NRXN1: variants seen among roughly 807,000 people sequenced by gnomAD.
NRXN1 encodes neurexin 1.
In NRXN1, 39 loss-of-function variants were observed where a neutral mutation model predicts 150.9. The observed-to-expected ratio is 0.26, with a 90% CI of 0.20 to 0.34. NRXN1 has a LOEUF of 0.34. Among genes scored for constraint, NRXN1 ranks in the 10% least tolerant of loss-of-function variants. The pLI is 1.00. For missense variants in NRXN1, 1,815 were observed against 1,949.9 expected (o/e 0.93, Z 1.30); for synonymous variants, 924 against 757.0 (o/e 1.22, Z -3.62).
At position 51,012,690 on chromosome 2, in the gene NRXN1, G is replaced by C. The variant is rs562677988; in HGVS notation, c.772+14812C>G. Among the ~76,000 whole-genome samples, 12 of 152,140 alleles carry C rather than the reference G, an allele frequency of 7.9e-5. No homozygotes were observed. The South Asian group carries it at 2.5e-3, about 31-fold the overall frequency. The stretch of plus-strand genomic sequence containing the variant: ...ACATCTCACCTCCTCCTGTGTGATG[G>C]CTTCTTAATATGTGGTTCAGGAATT... On this transcript the variant is annotated intron_variant, in intron 2 of 22. Transcript: ENST00000401669.
chr2:51,021,258 C>G (rs747221436), intron 2 of NRXN1, among the ~76,000 whole-genome samples: 33 of 151,880 alleles, frequency 2.2e-4, no homozygotes, highest in Admixed American at 1.3e-4. Context: ...TTTATTAACC[C>G]TGTAATAAAA....
chr2:50,952,587 G>A (rs1299251256), intron 2 of NRXN1, among the ~76,000 whole-genome samples: 1 of 152,056 alleles, frequency 6.6e-6, no homozygotes, highest in South Asian at 2.1e-4. Context: ...ATGCTACCAC[G>A]GAGTTCTTAT....
chr2:50,451,469 T>C (rs2086959222), intron 17 of NRXN1, among the ~76,000 whole-genome samples: 1 of 152,210 alleles, frequency 6.6e-6, no homozygotes, highest in Admixed American at 6.5e-5. Context: ...ATTAGGTTGT[T>C]AGTCACATGT....
chr2:50,513,568 G>C (rs1031988604), intron 12 of NRXN1, among the ~76,000 whole-genome samples: 4 of 152,106 alleles, frequency 2.6e-5, no homozygotes, highest in Non-Finnish European at 5.9e-5. Flanking sequence ...ATCTTGCTGG[G>C]TTAAAATAAG....
At chr2:49,959,269 T>C (rs913322321) in intron 21 of NRXN1, among the ~76,000 whole-genome samples, 2 of 152,156 alleles carry the variant, frequency 1.3e-5, no homozygotes, top group South Asian at 4.1e-4. Flanking sequence ...GATGAAGTAA[T>C]ATAATAAGAA....
intron 12 of NRXN1, among the ~76,000 whole-genome samples, chr2:50,519,883 C>T (rs1020418536): frequency 1.3e-5 from 2 of 151,746 alleles, no homozygotes; most frequent in African/African-American, 4.8e-5. Context: ...GGCTCAGTGA[C>T]CTGGAATTGC....
chr2:50,011,293 C>T (rs1005685867), intron 21 of NRXN1, among the ~76,000 whole-genome samples: 2 of 152,106 alleles, frequency 1.3e-5, no homozygotes, highest in East Asian at 3.9e-4. Flanking sequence ...TATTTTCATA[C>T]TTTTTTACTT....
chr2:50,218,920 T>C (rs1225829853), intron 18 of NRXN1, among the ~76,000 whole-genome samples: 1 of 152,024 alleles, frequency 6.6e-6, no homozygotes, highest in East Asian at 1.9e-4. Context: ...TTCCATATTG[T>C]TTAAATAGTT....
chr2:50,387,711 G>T (rs923907104), intron 17 of NRXN1, among the ~76,000 whole-genome samples: 2 of 152,008 alleles, frequency 1.3e-5, no homozygotes, highest in South Asian at 4.1e-4. Context: ...GCTTCTCTTC[G>T]GGGAATCTGT....
At chr2:49,924,082 A>G (rs1196455823) in intron 22 of NRXN1, among the ~76,000 whole-genome samples, 2 of 152,206 alleles carry the variant, frequency 1.3e-5, no homozygotes, top group African/African-American at 4.8e-5. Context: ...TTTTTCTTTT[A>G]AATACAGTCA....
chr2:50,688,727 G>A (rs1028968106), intron 5 of NRXN1, among the ~76,000 whole-genome samples: 1 of 152,146 alleles, frequency 6.6e-6, no homozygotes, highest in Non-Finnish European at 1.5e-5. Flanking sequence ...CTTACATGCT[G>A]TACAGCAAGG....
At chr2:50,188,709 T>C (rs1251928564) in intron 18 of NRXN1, among the ~76,000 whole-genome samples, 4 of 151,632 alleles carry the variant, frequency 2.6e-5, no homozygotes, top group East Asian at 3.9e-4. Context: ...GGATGAAGAA[T>C]ATGAACAGAC....
intron 5 of NRXN1, among the ~76,000 whole-genome samples, chr2:50,852,527 G>A (rs1340256974): frequency 7.2e-5 from 11 of 152,138 alleles, no homozygotes; most frequent in Non-Finnish European, 2.9e-5. Flanking sequence ...AAAGAGTCAG[G>A]TTCTGGTACA....
At chr2:50,008,669 T>C (rs1685155540) in intron 21 of NRXN1, among the ~76,000 whole-genome samples, 1 of 152,116 alleles carries the variant, frequency 6.6e-6, no homozygotes, top group Admixed American at 6.6e-5. Context: ...AAATTTTCTG[T>C]GGAATCTCAA....
At chr2:50,377,684 A>G (rs1210766756) in intron 17 of NRXN1, among the ~76,000 whole-genome samples, 1 of 152,172 alleles carries the variant, frequency 6.6e-6, no homozygotes, top group Non-Finnish European at 1.5e-5. Context: ...TCACCAGTCC[A>G]GTTTGTGTTC....
intron 21 of NRXN1, among the ~76,000 whole-genome samples, chr2:49,987,076 T>C (rs1039272928): frequency 5.3e-5 from 8 of 152,010 alleles, no homozygotes; most frequent in Non-Finnish European, 1.2e-4. Flanking sequence ...TAAATTATTA[T>C]TAACCATATT....
chr2:50,180,627 C>A (rs2060647712), intron 18 of NRXN1, among the ~76,000 whole-genome samples: 1 of 152,102 alleles, frequency 6.6e-6, no homozygotes, highest in South Asian at 2.1e-4. Context: ...GATTCCTTCC[C>A]TCTGGGGGAT....
Position 50,824,398 on chromosome 2 carries a change from C to T in NRXN1, c.832+97471G>A, listed in dbSNP as rs903944109. ...AAATACTTAAAGGGTATGATTATTA[C>T]ACCTTGGCTCCTTCTCACTCACATT... On this transcript the variant is annotated intron_variant, in intron 5 of 22. Transcript: ENST00000401669. 4.6e-5 allele frequency among the ~76,000 whole-genome samples: 7 copies of T among 152,008 alleles called. 1 individual carries two copies. The highest frequency in any genetic ancestry group is 1.0e-4 in the Non-Finnish European group (7 of 68,006).
At chr2:50,556,401 T>G (rs1189895457) in intron 8 of NRXN1, among the ~76,000 whole-genome samples, 1 of 152,162 alleles carries the variant, frequency 6.6e-6, no homozygotes, top group Non-Finnish European at 1.5e-5. Flanking sequence ...CATGTTTCAC[T>G]TTTGAACAAG....
Sources: allele counts gnomAD v4.1 joint callset (sites outside exome capture counted in the v4.1 genomes callset), GRCh38; gene constraint gnomAD v4.1.1; transcripts MANE v1.5; gene names NCBI Gene and HGNC (gene_info 2026-07-23, HGNC 2026-07-21).